The following MUC4 variants were observed in gnomAD, a reference collection of about 807,000 sequenced individuals.
MUC4 encodes the protein mucin-4.
Under a neutral mutation model 257.9 loss-of-function variants are expected in MUC4, and 202 were observed. The observed-to-expected ratio is 0.78, with a 90% CI of 0.70 to 0.88. MUC4 has a LOEUF of 0.88. MUC4 is among the 40% of genes least tolerant of loss of function. The pLI, the probability that MUC4 is intolerant of heterozygous loss-of-function variation, is 0.00. For missense variants in MUC4, 5,976 were observed against 6,513.7 expected (o/e 0.92, Z 2.84); for synonymous variants, 2,351 against 2,757.1 (o/e 0.85, Z 4.62).
Position 195,767,760 on chromosome 3 carries a change from T to C in MUC4, c.13530-1009A>G, listed in dbSNP as rs952869326. 1.2e-3 allele frequency among the ~76,000 whole-genome samples: 36 copies of C among 29,550 alleles called. 2 individuals are homozygous for C. The highest frequency in any genetic ancestry group is 5.1e-3 in the East Asian group (2 of 394). The allele number at this position is 29,550 out of a possible 152,430, so 19.4% of individuals were successfully genotyped here. A position where few individuals can be genotyped will look rare whatever the true frequency, so the allele number is the denominator to read the frequency against. On this transcript the variant is annotated intron_variant, in intron 7 of 24. Transcript: ENST00000463781. ...ACCATCACCATCGCCACCACCACCA[T>C]CACCACCACCACCACCATCACCACC... is the stretch of plus-strand genomic sequence containing the variant.
chr3:195,775,394 C>G (rs3107754), intron 3 of MUC4, among the ~76,000 whole-genome samples: 7,829 of 25,436 alleles, frequency 0.31, 1,482 homozygotes, highest in African/African-American at 0.56. Context: ...ACCTTCCACA[C>G]CCATACCTTC....
rs1180569387 is a variant in MUC4 at position 195,782,445 on chromosome 3, G to A, written c.9135C>T (p.Asp3045=). The A allele has an allele frequency of 6.8e-7, 1 of 1,473,426 alleles. No individual in the cohort carries two copies. Among genetic ancestry groups the A allele is most frequent in the Non-Finnish European group, 9.1e-7 (1 of 1,102,642 alleles). 91.3% of individuals were successfully genotyped at this position (1,473,426 alleles called of 1,614,324 possible). ...CGTGACCTGTGGATGCTGAGGAAGT[G>A]TCGGTGACAGGAAGCGGGGTGGCGT... The part of the protein sequence containing the change: ...TGHATPLPVT[D]TSSASTGHAN... Residue 3045 remains aspartate, a synonymous_variant, in exon 2 of 25, where the codon GAC becomes GAT. Transcript: ENST00000463781.
chr3:195,788,963 G>C lies in MUC4; in HGVS notation c.2617C>G (p.His873Asp). The change falls in exon 2 of 25, where the codon CAT becomes GAT. Residue 873 changes from histidine (H) to aspartate (D), a missense_variant. Physicochemically the swap from His to Asp is moderately conservative, Grantham distance 81. Around this residue, in one of 44 missense-constraint regions of MUC4, gnomAD observed 1,583 missense variants for 1,257.4 expected, o/e 1.26. Coordinates refer to ENST00000463781, the MANE Select transcript of MUC4 (RefSeq NM_018406.7). Reference protein sequence around the residue: ...MASSIVPGTFHPTLSEASTAG... With the variant: ...MASSIVPGTFDPTLSEASTAG... ...GTGGAGGCCTCAGAGAGGGTGGGAT[G>C]AAAGGTGCCGGGGACGATCGAAGAC... is the stretch of plus-strand genomic sequence containing the variant. 6.2e-7 allele frequency: 1 copy of C among 1,613,676 alleles called. No individual in the cohort carries two copies. Among genetic ancestry groups the C allele is most frequent in the Non-Finnish European group, 8.5e-7 (1 of 1,179,754 alleles).
At chr3:195,801,084 A>G (rs561736058) in intron 1 of MUC4, among the ~76,000 whole-genome samples, 22 of 152,330 alleles carry the variant, frequency 1.4e-4, no homozygotes, top group African/African-American at 5.1e-4. Flanking sequence ...GTTGTCAGGC[A>G]GAGAAATTTG....
chr3:195,788,988 C>A lies in MUC4; in HGVS notation c.2592G>T (p.Ala864=), dbSNP rs748561476. ...HGAIPVSTGM[A]SSIVPGTFHP... ...GAAAGGTGCCGGGGACGATCGAAGACGCCATTCCTGTGCTTACTGGGATGG... is the reference window on the plus strand; with the variant it reads ...GAAAGGTGCCGGGGACGATCGAAGAAGCCATTCCTGTGCTTACTGGGATGG... Residue 864 remains alanine (A), a synonymous_variant, in exon 2 of 25, where the codon GCG becomes GCT. Coordinates refer to ENST00000463781, the MANE Select transcript of MUC4 (RefSeq NM_018406.7). 2 of 1,613,758 alleles carry A rather than the reference C, an allele frequency of 1.2e-6. No individual in the cohort carries two copies. The highest frequency in any genetic ancestry group is 2.2e-5 in the East Asian group (1 of 44,874).
At chr3:195,767,802 TCATCACCACCATCAC>T (rs1721624487) in intron 7 of MUC4, among the ~76,000 whole-genome samples, 4 of 31,920 alleles carry the variant, frequency 1.3e-4, no homozygotes, top group Non-Finnish European at 2.1e-4. Context: ...GCCACCACCA[TCATCACCACCATCAC>T]CACCACCACC....
intron 16 of MUC4, among the ~76,000 whole-genome samples, chr3:195,760,336 G>A (rs767931027): frequency 1.3e-5 from 2 of 152,206 alleles, no homozygotes; most frequent in Non-Finnish European, 2.9e-5. Context: ...AGGGGCAAGC[G>A]TGTGGCTGTC....
At chr3:195,765,493 G>A in intron 8 of MUC4, 44 bp from the exon 9 acceptor site, 1 of 1,568,058 alleles carries the variant, frequency 6.4e-7, no homozygotes, top group Non-Finnish European at 8.7e-7. Context: ...CAGGGCTGGG[G>A]CTGCAGGCCC....
At chr3:195,775,934 G>T (rs1182252328) in intron 3 of MUC4, among the ~76,000 whole-genome samples, 28 of 15,724 alleles carry the variant, frequency 1.8e-3, no homozygotes, top group South Asian at 2.3e-3. Flanking sequence ...ACCTTCCACA[G>T]TCATACCTTC....
chr3:195,781,190 A>C lies in MUC4; in HGVS notation c.10390T>G (p.Ser3464Ala). Residue 3464 changes from serine (S) to alanine (A), a missense_variant, in exon 2 of 25, where the codon TCA becomes GCA. By Grantham distance (99) the Ser-to-Ala change is moderately conservative (BLOSUM62 1). Around this residue, in one of 44 missense-constraint regions of MUC4, gnomAD observed 297 missense variants for 240.9 expected, o/e 1.23. Transcript: ENST00000463781. ...GGGGTGGTGTCACCTGTGGATGCTGAGGAAGTGTCGGTGACAGGAAGAGGG... is the reference window on the plus strand; with the variant it reads ...GGGGTGGTGTCACCTGTGGATGCTGCGGAAGTGTCGGTGACAGGAAGAGGG... The part of the protein sequence containing the change: ...TTPLPVTDTS[S>A]ASTGDTTPLP... The C allele has an allele frequency of 1.3e-6, 2 of 1,489,558 alleles. No homozygotes were observed. The highest frequency in any genetic ancestry group is 1.5e-5 in the African/African-American group (1 of 65,512). 92.3% of individuals were successfully genotyped at this position (1,489,558 alleles called of 1,614,324 possible). A position where few individuals can be genotyped will look rare whatever the true frequency, so the allele number is the denominator to read the frequency against.
intron 6 of MUC4, 95 bp from the exon 7 acceptor site, chr3:195,769,247 C>T (rs1219234825): frequency 2.0e-6 from 3 of 1,506,934 alleles, no homozygotes; most frequent in Admixed American, 2.0e-5. Flanking sequence ...CCTGCTCTGA[C>T]ACGCACAGCA....
At chr3:195,809,042 C>T (rs1407888590) in intron 1 of MUC4, among the ~76,000 whole-genome samples, 1 of 152,202 alleles carries the variant, frequency 6.6e-6, no homozygotes, top group Non-Finnish European at 1.5e-5. Context: ...CTATTTCGAC[C>T]CAGTTGCCTT....
rs756155176 is a variant in MUC4, at chr3:195,782,095, G to A, written c.9485C>T (p.Ser3162Phe). 16 of 1,372,234 alleles carry A rather than the reference G, an allele frequency of 1.2e-5. No homozygotes were observed. Among genetic ancestry groups the A allele is most frequent in the Non-Finnish European group, 1.4e-5 (15 of 1,040,754 alleles). The allele number at this position is 1,372,234 out of a possible 1,614,324, so 85.0% of individuals were successfully genotyped here. A position where few individuals can be genotyped will look rare whatever the true frequency, so the allele number is the denominator to read the frequency against. The change falls in exon 2 of 25, where the codon TCC (serine) becomes TTC (phenylalanine). Residue 3162 changes from serine (S) to phenylalanine (F), a missense_variant. Ser to Phe is a radical substitution (Grantham distance 155). Transcript: ENST00000463781. Reference protein sequence around the residue: ...PLPVTDTSSASTGQATPLPVT... With the variant: ...PLPVTDTSSAFTGQATPLPVT... ...AGGAAGAGGGGTGGCCTGACCTGTG[G>A]ATGCTGAGGAAGTGTCGGTGACAGG... is the stretch of plus-strand genomic sequence containing the variant.
At chr3:195,799,229 CTG>C (rs56897401) in intron 1 of MUC4, among the ~76,000 whole-genome samples, 35,251 of 119,906 alleles carry the variant, frequency 0.29, 5,096 homozygotes, top group African/African-American at 0.44. Flanking sequence ...ATGTGTGACA[CTG>C]TGTGTGTGTG....
Position 195,785,619 on chromosome 3 carries a change from G to C in MUC4, c.5961C>G (p.Val1987=). 6.5e-7 allele frequency: 1 copy of C among 1,540,724 alleles called. No homozygotes were observed. Among genetic ancestry groups the C allele is most frequent in the Non-Finnish European group, 8.8e-7 (1 of 1,141,414 alleles). ...CTGTGGACACTGAGGAAGCGTCGGTGACAGGAAGAGGGGTGGCGTGACCTG... is the reference window on the plus strand; with the variant it reads ...CTGTGGACACTGAGGAAGCGTCGGTCACAGGAAGAGGGGTGGCGTGACCTG... ...VSTGHATPLP[V]TDASSVSTGH... is the part of the protein sequence containing the mutation. Residue 1987 remains valine, a synonymous_variant, in exon 2 of 25, where the codon GTC becomes GTG. Coordinates refer to ENST00000463781, the MANE Select transcript of MUC4 (RefSeq NM_018406.7).
Position 195,766,719 on chromosome 3 carries a change from A to C in MUC4, c.13562T>G (p.Met4521Arg). ...GDGYFENSPL[M>R]SQPVWERYRP... ...ATACCTCTCCCACACTGGCTGGGAC[A>C]TCAGTGGGCTGTTTTCGAAATAGCC... Residue 4521 changes from methionine to arginine, a missense_variant, in exon 8 of 25, where the codon ATG becomes AGG. By Grantham distance (91) the Met-to-Arg change is moderately conservative. Around this residue, in one of 44 missense-constraint regions of MUC4, gnomAD observed 996 missense variants for 1,137.3 expected, o/e 0.88. Transcript: ENST00000463781. 6.2e-7 allele frequency: 1 copy of C among 1,614,186 alleles called. No individual in the cohort carries two copies. The highest frequency in any genetic ancestry group is 1.3e-5 in the African/African-American group (1 of 75,050).
chr3:195,762,038 C>T (rs1336562797), intron 14 of MUC4, 49 bp downstream of exon 14: 10 of 1,537,308 alleles, frequency 6.5e-6, no homozygotes, highest in Middle Eastern at 2.2e-4. Context: ...GGGGTCCGAG[C>T]TCCGGCTGGC....
At chr3:195,807,488 C>T (rs575760756) in intron 1 of MUC4, among the ~76,000 whole-genome samples, 58 of 151,896 alleles carry the variant, frequency 3.8e-4, no homozygotes, top group Non-Finnish European at 6.9e-4. Flanking sequence ...CAAACAAACC[C>T]AAAAAACCAA....
At chr3:195,753,992 A>C in intron 19 of MUC4, 1 of 532,910 alleles carries the variant, frequency 1.9e-6, no homozygotes, top group East Asian at 3.4e-5. Context: ...CTTCTCCTTC[A>C]GCCCCACACC....
Sources: gnomAD v4.1 joint callset for allele counts (sites outside exome capture counted in the v4.1 genomes callset) on GRCh38, gnomAD v4.1.1 for gene constraint, gnomAD v4.1.1 regional missense constraint, MANE v1.5 for transcripts, NCBI Gene and HGNC (gene_info 2026-07-23, HGNC 2026-07-21) for gene names.